Variants in EPHA3 observed in about 807,000 individuals in gnomAD.
The protein encoded by EPHA3 is EPH receptor A3, also known as ephrin type-A receptor 3.
EPHA3 carries 42 observed loss-of-function variants against 107.1 expected under a neutral mutation model. The ratio of observed to expected loss-of-function variants is 0.39; its 90% CI spans 0.31 to 0.51. The LOEUF (loss-of-function observed/expected upper bound fraction) is 0.51, where lower values mean the gene tolerates loss of function less well. EPHA3 is among the 20% of genes least tolerant of loss of function. The probability of loss-of-function intolerance (pLI) is 0.78; values close to 1 mark genes in which losing one functional copy is unlikely to be tolerated. For synonymous variants in EPHA3, 461 were observed against 424.8 expected, an observed-to-expected ratio of 1.09 and a Z score of -1.05; for missense variants, 1,183 against 1,211.2, an observed-to-expected ratio of 0.98 and a Z score of 0.35.
intron 13 of EPHA3, among the ~76,000 whole-genome samples, chr3:89,440,967 G>T (rs1709771054): frequency 6.6e-6 from 1 of 152,128 alleles, no homozygotes; most frequent in Non-Finnish European, 1.5e-5. Context: ...AAGATAGAAA[G>T]TTCAAAGAGC....
At chr3:89,195,226 A>C (rs564799897) in intron 2 of EPHA3, among the ~76,000 whole-genome samples, 2 of 152,118 alleles carry the variant, frequency 1.3e-5, no homozygotes, top group Admixed American at 1.3e-4. Flanking sequence ...TCTTCTTTGC[A>C]TAAGTTCTCA....
chr3:89,448,198 T>G (rs1488416678), intron 13 of EPHA3, among the ~76,000 whole-genome samples: 2 of 152,122 alleles, frequency 1.3e-5, no homozygotes, highest in Non-Finnish European at 2.9e-5. Flanking sequence ...ACATGGAGAT[T>G]GTTGGAAATG....
rs2107508330 is a variant in EPHA3 at position 89,399,402 on chromosome 3, G to C, written c.1516G>C (p.Val506Leu). The change falls in exon 7 of 17, where the codon GTA becomes CTA. Residue 506 changes from valine to leucine, a missense_variant. By Grantham distance (32) the Val-to-Leu change is conservative. Transcript: ENST00000336596. ...ISSLKPDTIY[V>L]FQIRARTAAG... Reference sequence around the variant, plus strand: ...TAGCCTCAAGCCTGACACTATATACGTATTCCAAATCCGAGCCCGAACAGC... The same window carrying C: ...TAGCCTCAAGCCTGACACTATATACCTATTCCAAATCCGAGCCCGAACAGC... 1 of 1,613,974 alleles carries C rather than the reference G, an allele frequency of 6.2e-7. No homozygotes were observed. The highest frequency in any genetic ancestry group is 2.2e-5 in the East Asian group (1 of 44,870).
intron 2 of EPHA3, among the ~76,000 whole-genome samples, chr3:89,196,382 G>A (rs1355236527): frequency 6.6e-6 from 1 of 152,066 alleles, no homozygotes; most frequent in East Asian, 1.9e-4. Context: ...TTGTTTTGTT[G>A]TATATCTCTC....
At chr3:89,254,962 A>T (rs1705247238) in intron 3 of EPHA3, among the ~76,000 whole-genome samples, 1 of 152,162 alleles carries the variant, frequency 6.6e-6, no homozygotes, top group Non-Finnish European at 1.5e-5. Flanking sequence ...AGAGAAGGAG[A>T]CTTCTGTTAT....
At chr3:89,130,560 G>A (rs114712788) in intron 2 of EPHA3, among the ~76,000 whole-genome samples, 24 of 150,826 alleles carry the variant, frequency 1.6e-4, no homozygotes, top group Admixed American at 4.6e-4. Context: ...TTCCTCCAAA[G>A]ACGTATTCAT....
intron 3 of EPHA3, among the ~76,000 whole-genome samples, chr3:89,285,293 CTTCATTTACTCT>C (rs2107320485): frequency 6.6e-6 from 1 of 151,950 alleles, no homozygotes; most frequent in South Asian, 2.1e-4. Flanking sequence ...CCTGGTTTAC[CTTCATTTACTCT>C]TTCATTTACT....
At chr3:89,425,589 T>A (rs1410043358) in intron 11 of EPHA3, among the ~76,000 whole-genome samples, 1 of 151,536 alleles carries the variant, frequency 6.6e-6, no homozygotes, top group African/African-American at 2.4e-5. Context: ...TTTGAAATTA[T>A]TAAATGTAAA....
In EPHA3 at chr3:89,188,755, T is replaced by C. The variant is rs1391731897; in HGVS notation, c.154-21105T>C. Among the ~76,000 whole-genome samples, 5 of 152,308 alleles carry C rather than the reference T, an allele frequency of 3.3e-5. No individual in the cohort carries two copies. The East Asian group carries it at 9.6e-4, about 29-fold the overall frequency. On this transcript the variant is annotated intron_variant, in intron 2 of 16. Transcript: ENST00000336596. ...AATCTTTCCCATCTTAATAAATGATTTTCTTCTTCACATCATTCACACCTC... is the reference window on the plus strand; with the variant it reads ...AATCTTTCCCATCTTAATAAATGATCTTCTTCTTCACATCATTCACACCTC...
intron 3 of EPHA3, among the ~76,000 whole-genome samples, chr3:89,337,956 A>T (rs1481891703): frequency 1.3e-5 from 2 of 152,200 alleles, no homozygotes; most frequent in Non-Finnish European, 2.9e-5. Flanking sequence ...TTCACTCATG[A>T]TCACATGTAA....
intron 13 of EPHA3, among the ~76,000 whole-genome samples, chr3:89,440,214 C>A (rs1274233379): frequency 6.6e-6 from 1 of 152,148 alleles, no homozygotes; most frequent in Non-Finnish European, 1.5e-5. Context: ...GATGCTAAAT[C>A]TTTTAGCCAA....
intron 2 of EPHA3, among the ~76,000 whole-genome samples, chr3:89,169,714 T>C (rs1183552737): frequency 1.3e-5 from 2 of 152,190 alleles, no homozygotes; most frequent in African/African-American, 4.8e-5. Flanking sequence ...AAGAGACACT[T>C]CTCTTAAGTT....
chr3:89,447,259 A>C (rs765991449), intron 13 of EPHA3, among the ~76,000 whole-genome samples: 7 of 152,140 alleles, frequency 4.6e-5, no homozygotes, highest in Non-Finnish European at 8.8e-5. Flanking sequence ...TTACTTCATC[A>C]GTAGAAACTG....
intron 3 of EPHA3, among the ~76,000 whole-genome samples, chr3:89,292,421 C>T (rs2107331485): frequency 6.6e-6 from 1 of 152,210 alleles, no homozygotes; most frequent in Admixed American, 6.6e-5. Flanking sequence ...AGGGACTGGA[C>T]ATCCACGAAT....
At chr3:89,460,929 A>C (rs1710223197) in intron 15 of EPHA3, among the ~76,000 whole-genome samples, 2 of 121,430 alleles carry the variant, frequency 1.6e-5, no homozygotes, top group African/African-American at 3.2e-5. Flanking sequence ...GCACCCACTA[A>C]TGTGTCATCT....
At chr3:89,322,872 A>G (rs1199017934) in intron 3 of EPHA3, among the ~76,000 whole-genome samples, 2 of 150,850 alleles carry the variant, frequency 1.3e-5, no homozygotes, top group South Asian at 4.1e-4. Flanking sequence ...TGACTTGTCT[A>G]ATTTGTTAAG....
At chr3:89,344,843 T>C (rs1166950238) in intron 5 of EPHA3, among the ~76,000 whole-genome samples, 2 of 152,160 alleles carry the variant, frequency 1.3e-5, no homozygotes, top group African/African-American at 2.4e-5. Context: ...ACCTTTTAAA[T>C]TGTAGAAGAT....
At chr3:89,437,357 C>T (rs182040946) in intron 13 of EPHA3, among the ~76,000 whole-genome samples, 31 of 151,810 alleles carry the variant, frequency 2.0e-4, no homozygotes, top group African/African-American at 7.5e-4. Context: ...CCCTGGATTT[C>T]GTTTGGGATG....
At chr3:89,391,407 C>CTTTTA (rs1708731937) in intron 5 of EPHA3, among the ~76,000 whole-genome samples, 1 of 139,064 alleles carries the variant, frequency 7.2e-6, no homozygotes, top group Admixed American at 7.2e-5. Context: ...CTTTTCTTTT[C>CTTTTA]TTTTCTTTCT....
Sources: gnomAD v4.1 joint callset for allele counts (sites outside exome capture counted in the v4.1 genomes callset) on GRCh38, gnomAD v4.1.1 for gene constraint, MANE v1.5 for transcripts, NCBI Gene and HGNC (gene_info 2026-07-23, HGNC 2026-07-21) for gene names.